ATP8A2: variants seen among roughly 807,000 people sequenced by gnomAD.
The protein encoded by ATP8A2 is ATPase phospholipid transporting 8A2, also known as phospholipid-transporting ATPase IB.
ATP8A2 carries 100 observed loss-of-function variants against 165.6 expected under a neutral mutation model. That is an observed-to-expected ratio of 0.60 (90% CI 0.51 to 0.71). The LOEUF (loss-of-function observed/expected upper bound fraction) is 0.71. Among genes scored for constraint, ATP8A2 ranks in the 30% least tolerant of loss-of-function variants. The pLI, the probability that ATP8A2 is intolerant of heterozygous loss-of-function variation, is 0.00. For synonymous variants in ATP8A2, 543 were observed against 548.8 expected (o/e 0.99, Z 0.15); for missense variants, 1,227 against 1,479.5 (o/e 0.83, Z 2.80).
At position 25,703,744 on chromosome 13, in the gene ATP8A2, A is replaced by G. The variant is rs546160861; in HGVS notation, c.2384+4399A>G. On this transcript the variant is annotated intron_variant, in intron 25 of 36. Transcript: ENST00000381655. ...ATATACTCAGAATAGGCAAATCCAC[A>G]GAGCCAGGAAGCAGGCTAGTGGTTG... 2.6e-5 allele frequency among the ~76,000 whole-genome samples: 4 copies of G among 152,330 alleles called. No homozygotes were observed. In the South Asian group the frequency reaches 8.3e-4, roughly 32 times the overall value.
At chr13:25,971,400 G>A (rs143173860) in intron 35 of ATP8A2, among the ~76,000 whole-genome samples, 78 of 152,046 alleles carry the variant, frequency 5.1e-4, no homozygotes, top group African/African-American at 1.9e-3. Flanking sequence ...TCTGTCTTCA[G>A]CTCTGTCCTC....
intron 2 of ATP8A2, among the ~76,000 whole-genome samples, chr13:25,509,040 TA>T (rs979771440): frequency 2.0e-5 from 3 of 152,196 alleles, no homozygotes; most frequent in Non-Finnish European, 4.4e-5. Flanking sequence ...TGTGAACAGG[TA>T]AATTTTTAGC....
At chr13:25,418,392 T>G (rs1244535045) in intron 1 of ATP8A2, among the ~76,000 whole-genome samples, 1 of 152,086 alleles carries the variant, frequency 6.6e-6, no homozygotes, top group Non-Finnish European at 1.5e-5. Flanking sequence ...GTGCCAGACC[T>G]TCACTGAGAA....
intron 25 of ATP8A2, among the ~76,000 whole-genome samples, chr13:25,747,421 C>T (rs2044057280): frequency 6.6e-6 from 1 of 152,184 alleles, no homozygotes; most frequent in Admixed American, 6.5e-5. Flanking sequence ...ATATAAAGGG[C>T]TTCAATTCGA....
chr13:25,554,386 G>A (rs760612015), intron 12 of ATP8A2, among the ~76,000 whole-genome samples: 1 of 152,130 alleles, frequency 6.6e-6, no homozygotes, highest in Non-Finnish European at 1.5e-5. Context: ...TGTAGACCAG[G>A]CACTTTGATG....
At chr13:25,964,787 G>A (rs1003784850) in intron 34 of ATP8A2, among the ~76,000 whole-genome samples, 5 of 152,176 alleles carry the variant, frequency 3.3e-5, no homozygotes, top group South Asian at 2.1e-4. Flanking sequence ...GGGGTGCTGC[G>A]GGCCTCTCAT....
intron 24 of ATP8A2, among the ~76,000 whole-genome samples, chr13:25,691,326 G>T (rs1048677211): frequency 2.0e-5 from 3 of 152,182 alleles, no homozygotes; most frequent in Non-Finnish European, 4.4e-5. Flanking sequence ...CGCTTAAAAT[G>T]GGTCAGCTTT....
chr13:25,892,486 C>G (rs532991114), intron 33 of ATP8A2, among the ~76,000 whole-genome samples: 24 of 147,208 alleles, frequency 1.6e-4, no homozygotes, highest in Non-Finnish European at 2.5e-4. Flanking sequence ...CTGTCTCTCT[C>G]TCTCTCTCTC....
chr13:25,420,622 G>A (rs946609814), intron 1 of ATP8A2, among the ~76,000 whole-genome samples: 3 of 152,106 alleles, frequency 2.0e-5, no homozygotes, highest in South Asian at 2.1e-4. Context: ...CTAGGTGATC[G>A]GCTGATCTGT....
chr13:25,921,621 CAAAA>C (rs11316144), intron 33 of ATP8A2, among the ~76,000 whole-genome samples: 10 of 117,690 alleles, frequency 8.5e-5, no homozygotes, highest in Admixed American at 2.6e-4. Context: ...GACTCTGTCT[CAAAA>C]AAAAAAAAAA....
intron 33 of ATP8A2, among the ~76,000 whole-genome samples, chr13:25,949,417 T>C (rs1456972893): frequency 6.6e-6 from 1 of 152,166 alleles, no homozygotes; most frequent in African/African-American, 2.4e-5. Flanking sequence ...ATCAGGGGTT[T>C]GGCAATCGTT....
intron 1 of ATP8A2, among the ~76,000 whole-genome samples, chr13:25,436,595 T>A (rs1040455367): frequency 6.6e-6 from 1 of 152,156 alleles, no homozygotes; most frequent in Non-Finnish European, 1.5e-5. Flanking sequence ...TTTGGTAGAA[T>A]GATTTATTTT....
intron 15 of ATP8A2, among the ~76,000 whole-genome samples, chr13:25,560,111 A>T (rs1200319275): frequency 6.6e-6 from 1 of 152,226 alleles, no homozygotes; most frequent in Non-Finnish European, 1.5e-5. Flanking sequence ...TACAGGTGTG[A>T]GAAACCAGGC....
intron 24 of ATP8A2, among the ~76,000 whole-genome samples, chr13:25,625,203 G>A (rs574907773): frequency 5.3e-5 from 8 of 152,336 alleles, no homozygotes; most frequent in Admixed American, 3.9e-4. Context: ...ACTCAAGTTT[G>A]AGCCCCGTAA....
chr13:25,829,694 AT>A, intron 28 of ATP8A2, among the ~76,000 whole-genome samples: 1 of 59,754 alleles, frequency 1.7e-5, no homozygotes, highest in Non-Finnish European at 3.6e-5. Flanking sequence ...ATATATATAT[AT>A]ATATATATAT....
At chr13:25,459,479 T>C (rs1413523787) in intron 1 of ATP8A2, among the ~76,000 whole-genome samples, 8 of 152,202 alleles carry the variant, frequency 5.3e-5, no homozygotes, top group African/African-American at 1.9e-4. Context: ...AAGATGAGCA[T>C]GGGCCCTGCC....
chr13:25,893,610 C>G (rs1953446154), intron 33 of ATP8A2, among the ~76,000 whole-genome samples: 1 of 152,082 alleles, frequency 6.6e-6, no homozygotes, highest in South Asian at 2.1e-4. Flanking sequence ...GTTCTAGATC[C>G]CTGAGGAATC....
chr13:25,897,687 T>A (rs1953602002), intron 33 of ATP8A2, among the ~76,000 whole-genome samples: 1 of 152,228 alleles, frequency 6.6e-6, no homozygotes, highest in Non-Finnish European at 1.5e-5. Flanking sequence ...AGACATAGAT[T>A]TGGTCTTTTC....
chr13:25,403,305 T>C (rs2033697739), intron 1 of ATP8A2, among the ~76,000 whole-genome samples: 1 of 152,108 alleles, frequency 6.6e-6, no homozygotes, highest in Non-Finnish European at 1.5e-5. Context: ...TAGGTTTCTA[T>C]TTATAAATTA....
Sources: gnomAD v4.1 joint callset for allele counts (sites outside exome capture counted in the v4.1 genomes callset) on GRCh38, gnomAD v4.1.1 for gene constraint, MANE v1.5 for transcripts, NCBI Gene and HGNC (gene_info 2026-07-23, HGNC 2026-07-21) for gene names.